MYBPC1: variants seen among roughly 807,000 people sequenced by gnomAD.
MYBPC1 encodes the protein myosin binding protein C1.
Under a neutral mutation model 147.1 loss-of-function variants are expected in MYBPC1, and 52 were observed. The ratio of observed to expected loss-of-function variants is 0.35; its 90% CI spans 0.28 to 0.45. The LOEUF is 0.45. MYBPC1 is among the 20% of genes least tolerant of loss of function. The pLI is 1.00. For missense variants in MYBPC1, 1,228 were observed against 1,440.3 expected (o/e 0.85, Z 2.39); for synonymous variants, 477 against 475.9 (o/e 1.00, Z -0.03).
chr12:101,677,958 T>C, intron 27 of MYBPC1, 144 bp from the exon 28 acceptor site: 1 of 1,033,798 alleles, frequency 9.7e-7, no homozygotes, highest in Non-Finnish European at 1.5e-6. Context: ...CCCCTCAGAA[T>C]GTTTGCCACA....
chr12:101,672,916 A>C (rs1899037339), intron 24 of MYBPC1, among the ~76,000 whole-genome samples: 1 of 152,178 alleles, frequency 6.6e-6, no homozygotes, highest in South Asian at 2.1e-4. Context: ...TCAGCACTTT[A>C]ATCTTTATAA....
In MYBPC1 at chr12:101,653,255, T is replaced by G. The variant is rs1894885057; in HGVS notation, c.1767+7T>G. On this transcript the variant is annotated splice_region_variant and intron_variant, in intron 18 of 31. Transcript: ENST00000361466. ...GTGGAGCCGGGGAGATAAGGTTTGT[T>G]TTATGCTTGCACACACTCACATGCA... The G allele has an allele frequency of 6.2e-7, 1 of 1,613,538 alleles. No homozygotes were observed. Among genetic ancestry groups the G allele is most frequent in the Non-Finnish European group, 8.5e-7 (1 of 1,179,996 alleles).
At chr12:101,627,508 G>T (rs781592189) in intron 4 of MYBPC1, among the ~76,000 whole-genome samples, 1 of 152,124 alleles carries the variant, frequency 6.6e-6, no homozygotes, top group African/African-American at 2.4e-5. Flanking sequence ...CTCCCAAAGT[G>T]CTGGGATTAC....
intron 1 of MYBPC1, among the ~76,000 whole-genome samples, chr12:101,601,318 T>A (rs1879840791): frequency 6.6e-6 from 1 of 152,178 alleles, no homozygotes. Flanking sequence ...GTGGATAGGC[T>A]CAGTTTTAAT....
chr12:101,648,339 A>C (rs1042916104), intron 14 of MYBPC1, among the ~76,000 whole-genome samples, 189 bp downstream of exon 14: 2 of 152,210 alleles, frequency 1.3e-5, no homozygotes, highest in Non-Finnish European at 2.9e-5. Flanking sequence ...AGACTGAAAA[A>C]AGAACCAGAG....
intron 8 of MYBPC1, among the ~76,000 whole-genome samples, chr12:101,633,307 T>C (rs1456636738): frequency 1.3e-5 from 2 of 152,070 alleles, no homozygotes; most frequent in African/African-American, 4.8e-5. Flanking sequence ...ACACAGAAAA[T>C]GGAAAACAAA....
chr12:101,678,704 GAGAT>G (rs1418692931), intron 28 of MYBPC1, among the ~76,000 whole-genome samples: 1 of 152,164 alleles, frequency 6.6e-6, no homozygotes, highest in African/African-American at 2.4e-5. Context: ...TCCAGTTGAA[GAGAT>G]TAGAAAGGTT....
At chr12:101,667,709 T>C in intron 22 of MYBPC1, 23 bp from the exon 23 acceptor site, 8 of 1,614,112 alleles carry the variant, frequency 5.0e-6, no homozygotes, top group Non-Finnish European at 6.8e-6. Context: ...CTCCTTCTTT[T>C]CCTTTTCTTT....
At chr12:101,604,168 C>T (rs938187830) in intron 1 of MYBPC1, among the ~76,000 whole-genome samples, 4 of 152,150 alleles carry the variant, frequency 2.6e-5, no homozygotes, top group Non-Finnish European at 1.5e-5. Context: ...TTTCCCCCAG[C>T]CCCATGTTAA....
chr12:101,681,984 A>AT (rs138344520), intron 29 of MYBPC1, among the ~76,000 whole-genome samples: 22 of 151,590 alleles, frequency 1.5e-4, no homozygotes, highest in Middle Eastern at 3.4e-3. Flanking sequence ...AAAAGATTTG[A>AT]TTTTTTTTTC....
chr12:101,631,855 C>T lies in MYBPC1; in HGVS notation c.438+136C>T, dbSNP rs896598788. The T allele has an allele frequency of 4.3e-6, 6 of 1,403,538 alleles. No homozygotes were observed. In the African/African-American group the frequency reaches 7.1e-5, roughly 17 times the overall value. 86.9% of individuals were successfully genotyped at this position (1,403,538 alleles called of 1,614,324 possible). On this transcript the variant is annotated intron_variant, in intron 7 of 31. Coordinates refer to ENST00000361466, the MANE Select transcript of MYBPC1 (RefSeq NM_002465.4). ...TGAAGTTACCATTGCAGTGTCTACA[C>T]TCTATTGCGATTGCCCGGCTGTGTC...
In MYBPC1 at chr12:101,659,696, A is replaced by G. The variant is rs763460271; in HGVS notation, c.1792A>G (p.Ile598Val). The stretch of plus-strand genomic sequence containing the variant: ...GGCTATTATGGAAGGCAGTGGCCGG[A>G]TAAGAACAGAATCTTACCCTGATAG... ...DKAIMEGSGR[I>V]RTESYPDSST... Residue 598 changes from isoleucine (I) to valine (V), a missense_variant, in exon 19 of 32, where the codon ATA (isoleucine) becomes GTA (valine). Coordinates refer to ENST00000361466, the MANE Select transcript of MYBPC1 (RefSeq NM_002465.4). 60 of 1,614,008 alleles carry G rather than the reference A, an allele frequency of 3.7e-5. No homozygotes were observed. Among genetic ancestry groups the G allele is most frequent in the Non-Finnish European group, 4.9e-5 (58 of 1,180,004 alleles).
intron 3 of MYBPC1, among the ~76,000 whole-genome samples, chr12:101,617,456 T>C (rs1287589719): frequency 3.3e-5 from 5 of 152,236 alleles, no homozygotes; most frequent in Non-Finnish European, 7.3e-5. Flanking sequence ...ACAACAATGA[T>C]AAAAATATCA....
chr12:101,663,675 C>A, intron 22 of MYBPC1, 115 bp downstream of exon 22: 2 of 1,216,196 alleles, frequency 1.6e-6, no homozygotes, highest in Non-Finnish European at 2.4e-6. Flanking sequence ...AAAATAAGAT[C>A]AAGCCAAACG....
chr12:101,676,959 A>G (rs576478448), intron 26 of MYBPC1, among the ~76,000 whole-genome samples: 2 of 152,220 alleles, frequency 1.3e-5, no homozygotes, highest in Non-Finnish European at 2.9e-5. Flanking sequence ...ATGAAAAAAT[A>G]TAAAGATAGT....
At chr12:101,607,699 G>C (rs1219384171) in intron 1 of MYBPC1, among the ~76,000 whole-genome samples, 1 of 151,902 alleles carries the variant, frequency 6.6e-6, no homozygotes, top group South Asian at 2.1e-4. Flanking sequence ...TAAATTAAAT[G>C]GTATATAAGG....
chr12:101,691,754 T>C, the MYBPC1 span, among the ~76,000 whole-genome samples: 2 of 152,228 alleles, frequency 1.3e-5, no homozygotes, highest in African/African-American at 4.8e-5. Flanking sequence ...TTTTGCAACT[T>C]CCTGTGTGTC....
chr12:101,620,482 G>A (rs957231296), intron 3 of MYBPC1, among the ~76,000 whole-genome samples: 16 of 152,210 alleles, frequency 1.1e-4, no homozygotes, highest in African/African-American at 3.4e-4. Flanking sequence ...TTATGGGGAA[G>A]AACAACCATC....
intron 3 of MYBPC1, among the ~76,000 whole-genome samples, chr12:101,623,383 A>C (rs1887877626): frequency 6.6e-6 from 1 of 152,222 alleles, no homozygotes; most frequent in Admixed American, 6.5e-5. Context: ...TACATATTCT[A>C]TGCATGTAAC....
Sources: allele counts gnomAD v4.1 joint callset (sites outside exome capture counted in the v4.1 genomes callset), GRCh38; gene constraint gnomAD v4.1.1; transcripts MANE v1.5; gene names NCBI Gene and HGNC (gene_info 2026-07-23, HGNC 2026-07-21).